Variants in PDZRN4 observed in about 807,000 individuals in gnomAD.
PDZRN4 encodes the protein PDZ domain-containing RING finger protein 4.
Under a neutral mutation model 99.0 loss-of-function variants are expected in PDZRN4, and 70 were observed. The observed-to-expected ratio is 0.71, with a 90% CI of 0.58 to 0.86. PDZRN4 has a LOEUF of 0.86. PDZRN4 is among the 40% of genes least tolerant of loss of function. The pLI is 0.00. For missense variants in PDZRN4, 1,474 were observed against 1,331.2 expected (o/e 1.11, Z -1.67); for synonymous variants, 551 against 501.6 (o/e 1.10, Z -1.32).
chr12:41,305,625 T>G (rs1015417598), intron 3 of PDZRN4, among the ~76,000 whole-genome samples: 2 of 152,158 alleles, frequency 1.3e-5, no homozygotes, highest in African/African-American at 4.8e-5. Context: ...GGTCACTCCA[T>G]CCACAGGACC....
At chr12:41,310,538 T>C (rs1008057278) in intron 3 of PDZRN4, among the ~76,000 whole-genome samples, 1 of 152,146 alleles carries the variant, frequency 6.6e-6, no homozygotes, top group Non-Finnish European at 1.5e-5. Flanking sequence ...AATGCTATCC[T>C]TAGGACCTAA....
intron 3 of PDZRN4, among the ~76,000 whole-genome samples, chr12:41,492,104 T>A (rs79893517): frequency 0.022 from 3,346 of 152,272 alleles, 104 homozygotes; most frequent in African/African-American, 0.073. Flanking sequence ...GTACAACTTC[T>A]AAATCCCACC....
intron 3 of PDZRN4, among the ~76,000 whole-genome samples, chr12:41,356,714 T>G (rs1951930058): frequency 6.6e-6 from 1 of 151,974 alleles, no homozygotes; most frequent in South Asian, 2.1e-4. Flanking sequence ...CCATCTGCCT[T>G]TCCTAATTTT....
chr12:41,307,791 C>T (rs1020583826), intron 3 of PDZRN4, among the ~76,000 whole-genome samples: 1 of 152,048 alleles, frequency 6.6e-6, no homozygotes, highest in African/African-American at 2.4e-5. Context: ...TAATACTTTA[C>T]ACGTACTGAT....
At chr12:41,490,788 C>A (rs938352638) in intron 3 of PDZRN4, among the ~76,000 whole-genome samples, 1 of 151,904 alleles carries the variant, frequency 6.6e-6, no homozygotes, top group African/African-American at 2.4e-5. Flanking sequence ...GGAACAAGGT[C>A]CTCTACTTGG....
chr12:41,262,403 C>T (rs1027224316), intron 3 of PDZRN4, among the ~76,000 whole-genome samples: 2 of 152,070 alleles, frequency 1.3e-5, no homozygotes, highest in African/African-American at 4.8e-5. Flanking sequence ...ATGGAATGCC[C>T]GTGGCCTGAG....
rs528937730 is a variant in PDZRN4, at chr12:41,473,097, G to GT, written c.844-33355dup. ...AAGTTGGGTAAGATATTACAGTTTTGTTTTATTTTTTAAGTAAAGCCTTAT... is the reference window on the plus strand; with the variant it reads ...AAGTTGGGTAAGATATTACAGTTTTGTTTTTATTTTTTAAGTAAAGCCTTAT... On this transcript the variant is annotated intron_variant, in intron 3 of 9. Coordinates refer to ENST00000402685, the MANE Select transcript of PDZRN4 (RefSeq NM_001164595.2). Among the ~76,000 whole-genome samples, 1,118 of 149,662 alleles carry GT rather than the reference G, an allele frequency of 7.5e-3. 15 individuals carry two copies. The highest frequency in any genetic ancestry group is 0.025 in the African/African-American group (1,019 of 40,496).
chr12:41,573,365 A>T lies in PDZRN4; in HGVS notation c.2586A>T (p.Ala862=), dbSNP rs1297614588. 6.2e-7 allele frequency: 1 copy of T among 1,613,430 alleles called. No individual in the cohort carries two copies. The highest frequency in any genetic ancestry group is 1.1e-5 in the South Asian group (1 of 91,080). Residue 862 remains alanine, a synonymous_variant, in exon 10 of 10, where the codon GCA becomes GCT. Transcript: ENST00000402685. The part of the protein sequence containing the change: ...SYMQLIQQKS[A]VEYAQSQLSL... ...TGCAGTTAATTCAACAGAAATCTGC[A>T]GTCGAGTATGCTCAGAGTCAGCTCA...
chr12:41,361,332 TACA>T (rs1442516807), intron 3 of PDZRN4, among the ~76,000 whole-genome samples: 1 of 152,090 alleles, frequency 6.6e-6, no homozygotes, highest in African/African-American at 2.4e-5. Flanking sequence ...TTCCTCCTAA[TACA>T]ACAAGGCAAA....
At chr12:41,312,595 G>A (rs1210581492) in intron 3 of PDZRN4, among the ~76,000 whole-genome samples, 1 of 152,152 alleles carries the variant, frequency 6.6e-6, no homozygotes, top group African/African-American at 2.4e-5. Flanking sequence ...GAAGATGAAG[G>A]AAGAGCAAAG....
intron 3 of PDZRN4, among the ~76,000 whole-genome samples, chr12:41,341,075 G>T (rs1951812707): frequency 6.6e-6 from 1 of 151,526 alleles, no homozygotes; most frequent in Non-Finnish European, 1.5e-5. Context: ...ATCAATAAAT[G>T]CATTAAAACA....
chr12:41,392,517 G>A (rs1952216851), intron 3 of PDZRN4, among the ~76,000 whole-genome samples: 1 of 152,066 alleles, frequency 6.6e-6, no homozygotes, highest in South Asian at 2.1e-4. Context: ...TGCACTAGAA[G>A]GCTCCATATT....
intron 3 of PDZRN4, among the ~76,000 whole-genome samples, chr12:41,348,424 A>G (rs1951869173): frequency 6.6e-6 from 1 of 152,152 alleles, no homozygotes; most frequent in Non-Finnish European, 1.5e-5. Flanking sequence ...TAAAACTGCT[A>G]TGCCTTAGGT....
At chr12:41,206,227 CAT>C (rs1950849777) in intron 3 of PDZRN4, among the ~76,000 whole-genome samples, 1 of 151,958 alleles carries the variant, frequency 6.6e-6, no homozygotes, top group Non-Finnish European at 1.5e-5. Context: ...GGTCAGAGGA[CAT>C]ATAAATGTTT....
chr12:41,449,044 T>G (rs746669993), intron 3 of PDZRN4, among the ~76,000 whole-genome samples: 19 of 152,160 alleles, frequency 1.2e-4, no homozygotes, highest in Non-Finnish European at 2.6e-4. Flanking sequence ...GGACCTCATC[T>G]TAAGATCTCC....
At chr12:41,439,295 T>G (rs955398143) in intron 3 of PDZRN4, among the ~76,000 whole-genome samples, 12 of 151,666 alleles carry the variant, frequency 7.9e-5, no homozygotes, top group Non-Finnish European at 1.6e-4. Context: ...ATAATATTCA[T>G]TTCCTAGATG....
At chr12:41,452,332 G>T (rs902034105) in intron 3 of PDZRN4, among the ~76,000 whole-genome samples, 1 of 151,586 alleles carries the variant, frequency 6.6e-6, no homozygotes, top group Admixed American at 6.6e-5. Context: ...CCAGCTACAC[G>T]GGAGGCTGAG....
intron 3 of PDZRN4, among the ~76,000 whole-genome samples, chr12:41,258,663 G>A (rs1185818688): frequency 6.6e-6 from 1 of 152,132 alleles, no homozygotes; most frequent in Non-Finnish European, 1.5e-5. Context: ...TTTATTGAGT[G>A]CATACTATTT....
At chr12:41,195,874 T>C (rs1019117776) in intron 3 of PDZRN4, among the ~76,000 whole-genome samples, 1 of 152,120 alleles carries the variant, frequency 6.6e-6, no homozygotes, top group Non-Finnish European at 1.5e-5. Flanking sequence ...CAGTTACCAA[T>C]GGAAAATAAA....
Sources: allele counts gnomAD v4.1 joint callset (sites outside exome capture counted in the v4.1 genomes callset), GRCh38; gene constraint gnomAD v4.1.1; transcripts MANE v1.5; gene names NCBI Gene and HGNC (gene_info 2026-07-23, HGNC 2026-07-21).